CD82: variants seen among roughly 807,000 people sequenced by gnomAD.
The protein encoded by CD82 is CD82 antigen.
A neutral mutation model predicts 37.4 loss-of-function variants in CD82; 36 were observed. That is an observed-to-expected ratio of 0.96 (90% confidence interval 0.74 to 1.27). The LOEUF is 1.27. CD82 is among the 50% of genes most tolerant of loss of function. The pLI, the probability that CD82 is intolerant of heterozygous loss-of-function variation, is 0.00. For synonymous variants in CD82, 158 were observed against 137.4 expected (o/e 1.15, Z -1.05); for missense variants, 340 against 347.0 (o/e 0.98, Z 0.16).
chr11:44,591,830 T>C (rs899020505), intron 2 of CD82, among the ~76,000 whole-genome samples: 40 of 44,530 alleles, frequency 9.0e-4, no homozygotes, highest in African/African-American at 2.3e-3. Flanking sequence ...TATTTTTGTT[T>C]TTATTTTTTT....
At chr11:44,604,938 G>A in intron 4 of CD82, 120 bp from the exon 5 acceptor site, 1 of 1,385,174 alleles carries the variant, frequency 7.2e-7, no homozygotes, top group Admixed American at 1.7e-5. Context: ...GCCAGCAGGG[G>A]AATGCAGCTG....
Position 44,619,054 on chromosome 11 carries a change from G to A in CD82, c.732G>A (p.Leu244=). ...CTCTCCGCCTCTCCCCACAGCTCCT[G>A]GGGATGGTCCTGTCCATCTGCTTGT... is the stretch of plus-strand genomic sequence containing the variant. ...VGVGVAIIEL[L]GMVLSICLCR... The change falls in exon 10 of 10, where the codon CTG becomes CTA. Residue 244 remains leucine (L), a synonymous_variant. Transcript: ENST00000227155. 1.2e-6 allele frequency: 2 copies of A among 1,612,374 alleles called. No individual in the cohort carries two copies. The highest frequency in any genetic ancestry group is 2.2e-5 in the South Asian group (2 of 90,998).
intron 7 of CD82, among the ~76,000 whole-genome samples, chr11:44,616,581 G>A (rs1853567730): frequency 6.6e-6 from 1 of 152,122 alleles, no homozygotes; most frequent in South Asian, 2.1e-4. Flanking sequence ...GACTCCCAAG[G>A]CCTGGAGTGC....
At chr11:44,593,986 A>G (rs1286723687) in intron 2 of CD82, among the ~76,000 whole-genome samples, 3 of 49,244 alleles carry the variant, frequency 6.1e-5, no homozygotes, top group East Asian at 1.1e-3. Context: ...GATTAGAACC[A>G]TTTGTTATAC....
chr11:44,616,504 G>A (rs1479149666), intron 7 of CD82, among the ~76,000 whole-genome samples: 2 of 152,138 alleles, frequency 1.3e-5, no homozygotes, highest in African/African-American at 2.4e-5. Flanking sequence ...TCCTACCCTG[G>A]AAAGTCATTG....
At chr11:44,604,997 G>A in intron 4 of CD82, 61 bp from the exon 5 acceptor site, 2 of 1,610,170 alleles carry the variant, frequency 1.2e-6, no homozygotes, top group Non-Finnish European at 8.5e-7. Context: ...AGACCTGGAC[G>A]GTTAGGCCAG....
At chr11:44,568,718 C>T (rs771627384) in intron 1 of CD82, among the ~76,000 whole-genome samples, 14 of 152,172 alleles carry the variant, frequency 9.2e-5, no homozygotes, top group African/African-American at 2.4e-4. Context: ...TATGTGGGGG[C>T]GGCCCCCTCT....
chr11:44,565,367 G>A (rs1590320391), upstream of CD82, among the ~76,000 whole-genome samples: 1 of 152,206 alleles, frequency 6.6e-6, no homozygotes, highest in Non-Finnish European at 1.5e-5. Flanking sequence ...GAGTGGACAG[G>A]GCTGGAGCGG....
chr11:44,584,304 GAGACAGA>G (rs1853022211), intron 1 of CD82, among the ~76,000 whole-genome samples: 2 of 152,100 alleles, frequency 1.3e-5, no homozygotes, highest in East Asian at 3.9e-4. Flanking sequence ...TTTTTGTTTT[GAGACAGA>G]GTTTTGTTCT....
chr11:44,591,378 A>G (rs1853143347), intron 2 of CD82, among the ~76,000 whole-genome samples: 1 of 152,178 alleles, frequency 6.6e-6, no homozygotes, highest in South Asian at 2.1e-4. Flanking sequence ...GTGCGTGACC[A>G]AGGGACCAGC....
rs112683151 is a variant in CD82 at position 44,579,426 on chromosome 11, G to A, written c.-102-8049G>A. 2.3e-3 allele frequency among the ~76,000 whole-genome samples: 356 copies of A among 152,180 alleles called. 3 individuals are homozygous for A. Among genetic ancestry groups the A allele is most frequent in the African/African-American group, 8.2e-3 (339 of 41,540 alleles). On this transcript the variant is annotated intron_variant, in intron 1 of 9. Coordinates refer to ENST00000227155, the MANE Select transcript of CD82 (RefSeq NM_002231.4). ...CCTGCACTTCCAGGCCGGCCTCACC[G>A]CAGGCTCCCCTAGACTTCCTGGTGA...
At chr11:44,594,114 T>C (rs1438100856) in intron 2 of CD82, among the ~76,000 whole-genome samples, 1 of 152,234 alleles carries the variant, frequency 6.6e-6, no homozygotes, top group African/African-American at 2.4e-5. Context: ...TGTTCTACAA[T>C]GCATGTTTAT....
intron 1 of CD82, among the ~76,000 whole-genome samples, chr11:44,583,405 G>A (rs548612297): frequency 1.1e-4 from 16 of 152,330 alleles, no homozygotes; most frequent in African/African-American, 3.8e-4. Context: ...CTCCTGAGAA[G>A]GGCCACATCT....
chr11:44,585,302 A>C (rs1229013274), intron 1 of CD82: 1 of 456,314 alleles, frequency 2.2e-6, no homozygotes, highest in East Asian at 6.9e-5. Flanking sequence ...AGTTGGTAAC[A>C]TTTATCTGAC....
intron 1 of CD82, among the ~76,000 whole-genome samples, chr11:44,569,894 A>G (rs1056772508): frequency 3.3e-5 from 5 of 152,242 alleles, no homozygotes; most frequent in African/African-American, 1.2e-4. Context: ...AATAATGGTC[A>G]TGACTTCATA....
intron 1 of CD82, among the ~76,000 whole-genome samples, chr11:44,575,111 G>T (rs539189416): frequency 1.3e-5 from 2 of 152,194 alleles, no homozygotes; most frequent in African/African-American, 2.4e-5. Flanking sequence ...CCCTACTGGT[G>T]GGGGAGCGTT....
At chr11:44,578,054 T>C (rs916206538) in intron 1 of CD82, among the ~76,000 whole-genome samples, 3 of 152,168 alleles carry the variant, frequency 2.0e-5, no homozygotes, top group South Asian at 4.1e-4. Context: ...CTGTCTCCTG[T>C]GTTCTCAGGA....
In CD82 at chr11:44,575,673, G is replaced by A. The variant is rs543845616; in HGVS notation, c.-103+9937G>A. 1.1e-4 allele frequency among the ~76,000 whole-genome samples: 16 copies of A among 152,222 alleles called. No homozygotes were observed. In the South Asian group the frequency reaches 2.7e-3, roughly 26 times the overall value. On this transcript the variant is annotated intron_variant, in intron 1 of 9. Transcript: ENST00000227155. ...GGTTCTGTGGTGAGTTTCAGCTCCTGGTGTTGCTGACAGTAGGAACCTTGT... is the reference window on the plus strand; with the variant it reads ...GGTTCTGTGGTGAGTTTCAGCTCCTAGTGTTGCTGACAGTAGGAACCTTGT...
rs146163878 is a variant in CD82 at position 44,570,257 on chromosome 11, T to C, written c.-103+4521T>C. Among the ~76,000 whole-genome samples the C allele has an allele frequency of 4.6e-4, 70 of 152,342 alleles. 1 individual carries two copies. Among genetic ancestry groups the C allele is most frequent in the Non-Finnish European group, 5.9e-4 (40 of 68,034 alleles). ...CTGGCTGCCTTTCCCAAGCCCCTCA[T>C]TGCCCTTCACCTTCTCCTCTGTGCT... is the stretch of plus-strand genomic sequence containing the variant. On this transcript the variant is annotated intron_variant, in intron 1 of 9. Coordinates refer to ENST00000227155, the MANE Select transcript of CD82 (RefSeq NM_002231.4).
Sources: allele counts gnomAD v4.1 joint callset (sites outside exome capture counted in the v4.1 genomes callset), GRCh38; gene constraint gnomAD v4.1.1; transcripts MANE v1.5; gene names NCBI Gene and HGNC (gene_info 2026-07-23, HGNC 2026-07-21).